The following WDSUB1 variants were observed in gnomAD, a reference collection of about 807,000 sequenced individuals.
The protein encoded by WDSUB1 is WD repeat, SAM and U-box domain-containing protein 1.
A neutral mutation model predicts 53.9 loss-of-function variants in WDSUB1; 49 were observed. That is an observed-to-expected ratio of 0.91 (90% CI 0.72 to 1.15). WDSUB1 has a LOEUF of 1.15. Ranked by LOEUF, WDSUB1 falls within the 50% of genes most tolerant of loss-of-function variation. The pLI, the probability that WDSUB1 is intolerant of heterozygous loss-of-function variation, is 0.00. For missense variants in WDSUB1, 514 were observed against 562.0 expected (o/e 0.91, Z 0.86); for synonymous variants, 194 against 200.6 (o/e 0.97, Z 0.28).
At chr2:159,236,799 G>A (rs1361673457) in intron 10 of WDSUB1, among the ~76,000 whole-genome samples, 2 of 152,064 alleles carry the variant, frequency 1.3e-5, no homozygotes, top group African/African-American at 4.8e-5. Flanking sequence ...CTAATGTTTT[G>A]TATTTTTAGT....
chr2:159,279,571 T>C (rs1370286047), intron 3 of WDSUB1, among the ~76,000 whole-genome samples, 190 bp downstream of exon 3: 1 of 152,170 alleles, frequency 6.6e-6, no homozygotes, highest in African/African-American at 2.4e-5. Flanking sequence ...AATGCAATTT[T>C]CTCATATATT....
chr2:159,242,267 C>T (rs2060673884), intron 10 of WDSUB1, among the ~76,000 whole-genome samples: 1 of 145,954 alleles, frequency 6.9e-6, no homozygotes, highest in African/African-American at 2.7e-5. Context: ...CCGTGTTAGC[C>T]AGGATGGTCT....
At chr2:159,265,027 T>A (rs1363462521) in intron 5 of WDSUB1, among the ~76,000 whole-genome samples, 1 of 148,760 alleles carries the variant, frequency 6.7e-6, no homozygotes, top group East Asian at 2.0e-4. Context: ...GAGGTTGCAG[T>A]GAGCTGAGAT....
At chr2:159,280,252 C>T (rs886734580) in intron 2 of WDSUB1, among the ~76,000 whole-genome samples, 1 of 152,108 alleles carries the variant, frequency 6.6e-6, no homozygotes, top group Non-Finnish European at 1.5e-5. Flanking sequence ...AGTATAAACA[C>T]ATTAAAATAT....
chr2:159,283,144 G>A (rs1289222085), intron 1 of WDSUB1, 51 bp from the exon 2 acceptor site: 2 of 1,475,900 alleles, frequency 1.4e-6, no homozygotes, highest in African/African-American at 1.4e-5. Flanking sequence ...TCAGATACAT[G>A]CAATTTGAGT....
At chr2:159,243,869 T>A (rs1559527068) in intron 10 of WDSUB1, among the ~76,000 whole-genome samples, 1 of 152,210 alleles carries the variant, frequency 6.6e-6, no homozygotes, top group African/African-American at 2.4e-5. Flanking sequence ...CAGAATGAAT[T>A]ATATGCACAC....
At chr2:159,282,507 T>C (rs1558883475) in intron 2 of WDSUB1, among the ~76,000 whole-genome samples, 165 bp downstream of exon 2, 1 of 152,228 alleles carries the variant, frequency 6.6e-6, no homozygotes, top group African/African-American at 2.4e-5. Flanking sequence ...AAAATATTTT[T>C]CCTTGTGCTA....
intron 1 of WDSUB1, 72 bp from the exon 2 acceptor site, chr2:159,283,165 G>A: frequency 7.6e-7 from 1 of 1,319,730 alleles, no homozygotes; most frequent in Middle Eastern, 2.0e-4. Flanking sequence ...CTATATAAAA[G>A]GGCCAAAATG....
intron 5 of WDSUB1, among the ~76,000 whole-genome samples, chr2:159,266,318 A>C (rs2061347858): frequency 6.6e-6 from 1 of 151,734 alleles, no homozygotes; most frequent in African/African-American, 2.4e-5. Context: ...CCTCCCGAGT[A>C]GCTGGGACTA....
At chr2:159,272,915 T>C (rs1187181080) in intron 4 of WDSUB1, among the ~76,000 whole-genome samples, 1 of 152,172 alleles carries the variant, frequency 6.6e-6, no homozygotes, top group African/African-American at 2.4e-5. Context: ...TCAATATATT[T>C]TGGTGACAAC....
intron 3 of WDSUB1, among the ~76,000 whole-genome samples, chr2:159,277,111 T>C (rs2151142787): frequency 6.6e-6 from 1 of 152,358 alleles, no homozygotes; most frequent in South Asian, 2.1e-4. Context: ...ATTTTTTCTA[T>C]GGACTCTGCC....
intron 5 of WDSUB1, among the ~76,000 whole-genome samples, chr2:159,262,865 T>C (rs2061255284): frequency 6.6e-6 from 1 of 152,234 alleles, no homozygotes. Flanking sequence ...ATCCAACTGT[T>C]TGGTGTCCCT....
intron 10 of WDSUB1, among the ~76,000 whole-genome samples, chr2:159,243,695 C>G (rs1241412318): frequency 1.3e-5 from 2 of 152,178 alleles, no homozygotes; most frequent in Non-Finnish European, 2.9e-5. Context: ...TTCCTATACA[C>G]TGCTGGTGGG....
rs200249488 is a variant in WDSUB1, at chr2:159,271,803, T to C, written c.677-8A>G. 5.0e-5 allele frequency: 81 copies of C among 1,607,036 alleles called. No individual in the cohort carries two copies. Among genetic ancestry groups the C allele is most frequent in the Non-Finnish European group, 3.7e-5 (43 of 1,174,072 alleles). On this transcript the variant is annotated splice_polypyrimidine_tract_variant and splice_region_variant and intron_variant, in intron 4 of 10. Transcript: ENST00000359774. The stretch of plus-strand genomic sequence containing the variant: ...TATATTTTAATTCAAAACCTGCAAA[T>C]AACAAGGTAACAGAGATTAGAAAGC...
intron 10 of WDSUB1, among the ~76,000 whole-genome samples, chr2:159,241,589 T>A (rs1251309072): frequency 6.8e-6 from 1 of 147,722 alleles, no homozygotes; most frequent in Non-Finnish European, 1.5e-5. Flanking sequence ...GACAGCTAAA[T>A]TGGCAAAAAT....
At position 159,261,118 on chromosome 2, in the gene WDSUB1, AAAATATTCAAG is replaced by A. The variant is rs1489480212; in HGVS notation, c.771-1286_771-1276del. On this transcript the variant is annotated intron_variant, in intron 5 of 10. Coordinates refer to ENST00000359774, the MANE Select transcript of WDSUB1 (RefSeq NM_001128212.3). Reference sequence around the variant, plus strand: ...CTATCTGTGAATTCAACCATGAATCAAAATATTCAAGAAAAACATAATAAATTGAAATAGGA... The same window carrying A: ...CTATCTGTGAATTCAACCATGAATCAAAAAACATAATAAATTGAAATAGGA... 2.0e-5 allele frequency among the ~76,000 whole-genome samples: 3 copies of A among 152,376 alleles called. 1 individual carries two copies. The East Asian group carries it at 5.8e-4, about 29-fold the overall frequency.
intron 10 of WDSUB1, among the ~76,000 whole-genome samples, chr2:159,242,330 T>G (rs760627643): frequency 6.8e-6 from 1 of 146,260 alleles, no homozygotes; most frequent in Non-Finnish European, 1.5e-5. Flanking sequence ...GTGCTGGGAT[T>G]ACAGGCGTGA....
intron 9 of WDSUB1, among the ~76,000 whole-genome samples, chr2:159,254,405 T>C (rs541825557): frequency 1.8e-4 from 27 of 151,674 alleles, no homozygotes; most frequent in Non-Finnish European, 3.5e-4. Context: ...ACAAATAATT[T>C]TAAAAATTAG....
intron 10 of WDSUB1, among the ~76,000 whole-genome samples, chr2:159,245,801 A>C (rs1486722571): frequency 6.6e-6 from 1 of 152,204 alleles, no homozygotes; most frequent in Admixed American, 6.5e-5. Context: ...TAGAAGAAAA[A>C]AGGATAAAAG....
Sources: allele counts gnomAD v4.1 joint callset (sites outside exome capture counted in the v4.1 genomes callset), GRCh38; gene constraint gnomAD v4.1.1; transcripts MANE v1.5; gene names NCBI Gene and HGNC (gene_info 2026-07-23, HGNC 2026-07-21).